SPAG16: variants seen among roughly 807,000 people sequenced by gnomAD.
SPAG16 encodes sperm associated antigen 16.
In SPAG16, 86 loss-of-function variants were observed where a neutral mutation model predicts 80.4. The ratio of observed to expected loss-of-function variants is 1.07; its 90% CI spans 0.90 to 1.28. The LOEUF (loss-of-function observed/expected upper bound fraction) is 1.28, where lower values mean the gene tolerates loss of function less well. SPAG16 is among the 50% of genes most tolerant of loss of function. SPAG16 has a pLI of 0.00. For missense variants in SPAG16, 870 were observed against 765.3 expected, an observed-to-expected ratio of 1.14 and a Z score of -1.61; for synonymous variants, 294 against 265.9, an observed-to-expected ratio of 1.11 and a Z score of -1.03.
chr2:213,987,623 C>T (rs1459912439), intron 12 of SPAG16, among the ~76,000 whole-genome samples: 1 of 151,846 alleles, frequency 6.6e-6, no homozygotes, highest in African/African-American at 2.4e-5. Context: ...ACAATTGTAG[C>T]TTTGTCCACT....
chr2:213,500,129 A>G (rs146227893), intron 10 of SPAG16, among the ~76,000 whole-genome samples: 1 of 152,116 alleles, frequency 6.6e-6, no homozygotes, highest in Non-Finnish European at 1.5e-5. Flanking sequence ...ATCATTCTCC[A>G]TTTGGGGAAT....
chr2:213,936,563 T>TA (rs920854637), intron 12 of SPAG16, among the ~76,000 whole-genome samples: 1 of 152,118 alleles, frequency 6.6e-6, no homozygotes, highest in African/African-American at 2.4e-5. Context: ...GTGAAAGTCA[T>TA]AAAAATTGTA....
At chr2:213,491,404 T>G (rs565466036) in intron 10 of SPAG16, among the ~76,000 whole-genome samples, 1 of 152,334 alleles carries the variant, frequency 6.6e-6, no homozygotes, top group East Asian at 1.9e-4. Context: ...CCCCACCTTT[T>G]TGTAACATTA....
intron 9 of SPAG16, among the ~76,000 whole-genome samples, chr2:213,448,367 C>G (rs924099563): frequency 6.6e-6 from 1 of 152,208 alleles, no homozygotes; most frequent in Non-Finnish European, 1.5e-5. Context: ...CTCTCAAGCT[C>G]ATTTATCCAT....
At chr2:213,310,750 G>A (rs537594085) in intron 4 of SPAG16, among the ~76,000 whole-genome samples, 1 of 151,810 alleles carries the variant, frequency 6.6e-6, no homozygotes, top group South Asian at 2.1e-4. Flanking sequence ...AACTAGTTAT[G>A]AAAATCAGTA....
At chr2:213,308,682 A>G (rs2063052461) in intron 3 of SPAG16, among the ~76,000 whole-genome samples, 1 of 152,184 alleles carries the variant, frequency 6.6e-6, no homozygotes, top group South Asian at 2.1e-4. Flanking sequence ...ACAGCTTGCT[A>G]CATTCCAAGG....
rs1049038059 is a variant in SPAG16, at chr2:214,410,480, TA to T, written c.*172del. On this transcript the variant is annotated 3_prime_UTR_variant, in exon 16 of 16. Transcript: ENST00000331683. Reference sequence around the variant, plus strand: ...ATTTTAGTGCTCATACTGTTACTAATAAAAAAATAACTTTATGCTCACCCAT... The same window carrying T: ...ATTTTAGTGCTCATACTGTTACTAATAAAAAATAACTTTATGCTCACCCAT... 3.8e-6 allele frequency: 2 copies of T among 526,888 alleles called. No homozygotes were observed. Among genetic ancestry groups the T allele is most frequent in the Non-Finnish European group, 6.2e-6 (2 of 323,320 alleles). The allele number at this position is 526,888 out of a possible 1,614,324, so 32.6% of individuals were successfully genotyped here.
At chr2:214,103,949 G>C (rs549688323) in intron 13 of SPAG16, among the ~76,000 whole-genome samples, 1 of 145,838 alleles carries the variant, frequency 6.9e-6, no homozygotes, top group Admixed American at 6.8e-5. Flanking sequence ...GAAACAGAGA[G>C]AGAGAGAGAG....
chr2:213,963,830 G>A (rs549255679), intron 12 of SPAG16, among the ~76,000 whole-genome samples: 2 of 152,072 alleles, frequency 1.3e-5, no homozygotes, highest in African/African-American at 4.8e-5. Flanking sequence ...CCTGATATTA[G>A]TATAGTTACT....
chr2:213,676,683 AT>A (rs2064096786), intron 10 of SPAG16, among the ~76,000 whole-genome samples: 2 of 151,846 alleles, frequency 1.3e-5, no homozygotes, highest in South Asian at 2.1e-4. Flanking sequence ...GCTGGATTAC[AT>A]TTATTGATTT....
chr2:213,511,338 T>C (rs1559206696), intron 10 of SPAG16, among the ~76,000 whole-genome samples: 1 of 152,130 alleles, frequency 6.6e-6, no homozygotes, highest in Non-Finnish European at 1.5e-5. Context: ...ACTAACATGA[T>C]TTGAAGGCTA....
intron 12 of SPAG16, among the ~76,000 whole-genome samples, chr2:213,949,179 T>TTTTTTTTTTTTTTTGTTTTTTTTTTG (rs1575623841): frequency 1.4e-4 from 5 of 36,244 alleles, no homozygotes; most frequent in Non-Finnish European, 2.2e-4. Flanking sequence ...GTTTTTTTTT[T>TTTTTTTTTTTTTTTGTTTTTTTTTTG]TTTTTTTTTT....
intron 10 of SPAG16, among the ~76,000 whole-genome samples, chr2:213,855,191 G>C (rs759002499): frequency 6.6e-6 from 1 of 152,176 alleles, no homozygotes; most frequent in Non-Finnish European, 1.5e-5. Flanking sequence ...TGACAAAAAA[G>C]ACCAGTTCTT....
intron 10 of SPAG16, among the ~76,000 whole-genome samples, chr2:213,529,783 TC>T (rs1204350267): frequency 6.6e-6 from 1 of 152,224 alleles, no homozygotes; most frequent in East Asian, 1.9e-4. Context: ...GCAGATCACT[TC>T]CCATGAATGG....
chr2:213,495,432 A>G, intron 10 of SPAG16, among the ~76,000 whole-genome samples: 1 of 152,246 alleles, frequency 6.6e-6, no homozygotes, highest in Non-Finnish European at 1.5e-5. Flanking sequence ...GTTAGGCCAC[A>G]TATGATAAAT....
At chr2:214,001,029 G>A (rs1036155045) in intron 12 of SPAG16, among the ~76,000 whole-genome samples, 1 of 152,138 alleles carries the variant, frequency 6.6e-6, no homozygotes, top group Non-Finnish European at 1.5e-5. Flanking sequence ...TCTCTTTCAG[G>A]AGGTAGATAT....
chr2:214,303,758 T>G (rs1035973382), intron 15 of SPAG16, among the ~76,000 whole-genome samples: 26 of 152,308 alleles, frequency 1.7e-4, no homozygotes, highest in African/African-American at 5.8e-4. Context: ...AAGTTATAGG[T>G]TTGTTCACTT....
intron 10 of SPAG16, among the ~76,000 whole-genome samples, chr2:213,750,565 C>A (rs548746709): frequency 9.9e-5 from 15 of 152,226 alleles, no homozygotes; most frequent in African/African-American, 3.6e-4. Context: ...AAATTCCAAT[C>A]GATTAAAAAT....
At position 213,549,167 on chromosome 2, in the gene SPAG16, G is replaced by A. The variant is rs566469130; in HGVS notation, c.1070+59077G>A. Among the ~76,000 whole-genome samples, 471 of 151,602 alleles carry A rather than the reference G, an allele frequency of 3.1e-3. 3 individuals are homozygous for A. The highest frequency in any genetic ancestry group is 3.8e-3 in the Non-Finnish European group (255 of 67,850). ...TTGTAATCCTATTTATTTCTTTTCT[G>A]TTTTAAAATGTTATTCTTCAAAAAG... On this transcript the variant is annotated intron_variant, in intron 10 of 15. Transcript: ENST00000331683.
Sources: gnomAD v4.1 joint callset for allele counts (sites outside exome capture counted in the v4.1 genomes callset) on GRCh38, gnomAD v4.1.1 for gene constraint, MANE v1.5 for transcripts, NCBI Gene and HGNC (gene_info 2026-07-23, HGNC 2026-07-21) for gene names.